Variants in OSBPL9 observed in about 807,000 individuals in gnomAD.
OSBPL9 encodes oxysterol-binding protein-related protein 9.
In OSBPL9, 40 loss-of-function variants were observed where a neutral mutation model predicts 106.6. That is an observed-to-expected ratio of 0.38 (90% confidence interval 0.29 to 0.49). The LOEUF is 0.49. OSBPL9 is among the 20% of genes least tolerant of loss of function. The probability of loss-of-function intolerance (pLI) is 0.97; values close to 1 mark genes in which losing one functional copy is unlikely to be tolerated. For synonymous variants in OSBPL9, 269 were observed against 295.4 expected (o/e 0.91, Z 0.92); for missense variants, 609 against 887.2 (o/e 0.69, Z 3.98).
At chr1:51,644,619 C>T (rs144433364) in intron 1 of OSBPL9, among the ~76,000 whole-genome samples, 3 of 152,116 alleles carry the variant, frequency 2.0e-5, no homozygotes, top group Non-Finnish European at 4.4e-5. Context: ...TGAGCCACCG[C>T]GCCCAGCCCA....
chr1:51,594,452 CAG>C (rs1381241535), intron 1 of OSBPL9, among the ~76,000 whole-genome samples: 4 of 151,732 alleles, frequency 2.6e-5, no homozygotes, highest in Non-Finnish European at 5.9e-5. Flanking sequence ...AAAAAAGAAA[CAG>C]AAAATTTCAC....
the OSBPL9 span, among the ~76,000 whole-genome samples, chr1:51,560,224 A>T: frequency 6.6e-6 from 1 of 152,236 alleles, no homozygotes. Flanking sequence ...ATACCCAAGG[A>T]CAGGTGGCTG....
At chr1:51,740,212 G>GT (rs1295909497) in intron 4 of OSBPL9, 1 of 1,535,436 alleles carries the variant, frequency 6.5e-7, no homozygotes. Flanking sequence ...AAAAATAATT[G>GT]TAAGTGATTG....
chr1:51,612,344 G>T (rs1468421532), upstream of OSBPL9, among the ~76,000 whole-genome samples: 4 of 152,096 alleles, frequency 2.6e-5, no homozygotes, highest in African/African-American at 9.7e-5. Context: ...ATTCTGAATG[G>T]CAGGATGAAT....
the OSBPL9 span, among the ~76,000 whole-genome samples, chr1:51,520,911 C>T: frequency 3.9e-5 from 6 of 152,214 alleles, no homozygotes; most frequent in African/African-American, 1.4e-4. Flanking sequence ...ATCTCTTTAA[C>T]TGAAGAGAGA....
chr1:51,608,018 G>C (rs1643960780), intron 2 of OSBPL9, among the ~76,000 whole-genome samples: 1 of 152,198 alleles, frequency 6.6e-6, no homozygotes, highest in African/African-American at 2.4e-5. Flanking sequence ...CATGCACACT[G>C]GCCTGCCAGC....
At chr1:51,616,215 T>C (rs11205871), upstream of OSBPL9, among the ~76,000 whole-genome samples, 28,786 of 151,982 alleles carry the variant, frequency 0.19, 3,474 homozygotes, top group Middle Eastern at 0.33. Context: ...GAACGCCTGA[T>C]CTCAAGTGAT....
At chr1:51,584,181 C>A (rs2148599652) in intron 1 of OSBPL9, among the ~76,000 whole-genome samples, 1 of 152,202 alleles carries the variant, frequency 6.6e-6, no homozygotes, top group South Asian at 2.1e-4. Flanking sequence ...ATGCCAGTCC[C>A]TATGCAAGGT....
intron 14 of OSBPL9, among the ~76,000 whole-genome samples, chr1:51,774,546 T>C (rs1411834113): frequency 2.0e-5 from 3 of 152,232 alleles, no homozygotes; most frequent in African/African-American, 4.8e-5. Flanking sequence ...CCAAATACTT[T>C]GTAGTTTTTA....
chr1:51,526,887 G>A, the OSBPL9 span, among the ~76,000 whole-genome samples: 1 of 152,046 alleles, frequency 6.6e-6, no homozygotes, highest in Non-Finnish European at 1.5e-5. Flanking sequence ...TGGGATTAGA[G>A]GCAAGCGCCA....
At chr1:51,658,667 G>A (rs1310750568) in intron 2 of OSBPL9, among the ~76,000 whole-genome samples, 3 of 152,060 alleles carry the variant, frequency 2.0e-5, no homozygotes, top group Non-Finnish European at 4.4e-5. Flanking sequence ...CCACAAGAGA[G>A]GTCGGTGGTG....
chr1:51,676,875 C>T lies in OSBPL9; in HGVS notation c.241+7363C>T, dbSNP rs187324868. Among the ~76,000 whole-genome samples, 125 of 152,174 alleles carry T rather than the reference C, an allele frequency of 8.2e-4. 1 individual carries two copies. The highest frequency in any genetic ancestry group is 3.7e-3 in the South Asian group (18 of 4,820). ...CATTACTTCGTAGAAATATTAGTGG[C>T]GGTGTTGGTGTTTGTGGTAGTGGTA... On this transcript the variant is annotated intron_variant, in intron 3 of 23. Transcript: ENST00000428468.
At position 51,787,983 on chromosome 1, in the gene OSBPL9, C is replaced by T. The variant is rs145349580; in HGVS notation, c.*194C>T. ...TTCCCTTTTCCCTCTGTGGCAGTTA[C>T]GATTTTGACTTCAGTCCTGAGAAAA... On this transcript the variant is annotated 3_prime_UTR_variant, in exon 24 of 24. Coordinates refer to ENST00000428468, the MANE Select transcript of OSBPL9 (RefSeq NM_024586.6). The T allele has an allele frequency of 2.0e-3, 1,104 of 551,188 alleles. 2 individuals carry two copies. Among genetic ancestry groups the T allele is most frequent in the African/African-American group, 0.019 (1,009 of 52,108 alleles). The allele number at this position is 551,188 out of a possible 1,614,324, so 34.1% of individuals were successfully genotyped here. A position where few individuals can be genotyped will look rare whatever the true frequency, so the allele number is the denominator to read the frequency against.
intron 2 of OSBPL9, among the ~76,000 whole-genome samples, chr1:51,654,267 A>G (rs1037834177): frequency 3.3e-5 from 5 of 152,180 alleles, no homozygotes; most frequent in African/African-American, 4.8e-5. Flanking sequence ...ATTAGCAGCT[A>G]TTGATGTTCA....
At chr1:51,578,994 T>G (rs1645203563) in intron 1 of OSBPL9, among the ~76,000 whole-genome samples, 1 of 151,804 alleles carries the variant, frequency 6.6e-6, no homozygotes, top group African/African-American at 2.4e-5. Flanking sequence ...GTCTGGCTTG[T>G]GATGTAGCTC....
intron 1 of OSBPL9, among the ~76,000 whole-genome samples, chr1:51,585,927 C>A (rs533549582): frequency 6.6e-6 from 1 of 151,300 alleles, no homozygotes; most frequent in Admixed American, 6.6e-5. Flanking sequence ...AATCCCAGCA[C>A]TTTGGGAGGC....
intron 2 of OSBPL9, among the ~76,000 whole-genome samples, chr1:51,666,006 C>T (rs1457225488): frequency 6.6e-6 from 1 of 152,034 alleles, no homozygotes; most frequent in East Asian, 1.9e-4. Context: ...CGCCACCATG[C>T]CTGGCTAATT....
intron 2 of OSBPL9, among the ~76,000 whole-genome samples, chr1:51,600,125 C>A (rs2148603558): frequency 6.6e-6 from 1 of 152,320 alleles, no homozygotes; most frequent in Non-Finnish European, 1.5e-5. Flanking sequence ...GTTTTAAGTT[C>A]CAACATATGA....
At chr1:51,679,949 C>G (rs568833305) in intron 3 of OSBPL9, among the ~76,000 whole-genome samples, 4 of 152,156 alleles carry the variant, frequency 2.6e-5, no homozygotes, top group African/African-American at 9.6e-5. Context: ...ATATAGGGTT[C>G]AATACTATCC....
Sources: gnomAD v4.1 joint callset for allele counts (sites outside exome capture counted in the v4.1 genomes callset) on GRCh38, gnomAD v4.1.1 for gene constraint, MANE v1.5 for transcripts, NCBI Gene and HGNC (gene_info 2026-07-23, HGNC 2026-07-21) for gene names.